Variants in AGPAT3 observed in about 807,000 individuals in gnomAD.
The protein encoded by AGPAT3 is 1-acylglycerol-3-phosphate O-acyltransferase 3.
AGPAT3 carries 5 observed loss-of-function variants against 47.3 expected under a neutral mutation model. That is an observed-to-expected ratio of 0.11 (90% CI 0.06 to 0.22). The LOEUF is 0.22. AGPAT3 is among the 10% of genes least tolerant of loss of function. The pLI is 1.00. For missense variants in AGPAT3, 315 were observed against 493.0 expected (o/e 0.64, Z 3.42); for synonymous variants, 212 against 208.3 (o/e 1.02, Z -0.15).
intron 2 of AGPAT3, among the ~76,000 whole-genome samples, chr21:43,924,168 C>G (rs1356500015): frequency 6.7e-6 from 1 of 149,200 alleles, no homozygotes; most frequent in Non-Finnish European, 1.5e-5. Flanking sequence ...TGCCCGCCAG[C>G]ACGCCTGCCT....
chr21:43,889,337 T>G (rs2145918038), intron 1 of AGPAT3, among the ~76,000 whole-genome samples: 1 of 151,738 alleles, frequency 6.6e-6, no homozygotes, highest in Non-Finnish European at 1.5e-5. Flanking sequence ...TTCCCCTCCA[T>G]TTCGCATTTG....
rs544234866 is a variant in AGPAT3, at chr21:43,986,800, T to C, written c.*4408T>C. On this transcript the variant is annotated 3_prime_UTR_variant, in exon 10 of 10. Transcript: ENST00000291572. ...TGTTGGCCAGTTTCAAAGGGACCCA[T>C]TGTATACAGGGTGCAAATGTATTAT... 6.6e-6 allele frequency among the ~76,000 whole-genome samples: 1 copy of C among 152,334 alleles called. No individual in the cohort carries two copies. The highest frequency in any genetic ancestry group is 1.9e-4 in the East Asian group (1 of 5,188).
rs1197243698 is a variant in AGPAT3, at chr21:43,908,018, G to A, written c.-49+3999G>A. On this transcript the variant is annotated intron_variant, in intron 2 of 9. Transcript: ENST00000291572. This position sits in a 1 kb window ranked among gnomAD's most constrained non-coding sequence, Gnocchi z 4.9. ...ATGTTCCCGTAATAGCAGAGCAAAG[G>A]GATGATGGTCTTCGGAGGAGGGCGC... 6.6e-6 allele frequency among the ~76,000 whole-genome samples: 1 copy of A among 152,220 alleles called. No individual in the cohort carries two copies. The highest frequency in any genetic ancestry group is 1.5e-5 in the Non-Finnish European group (1 of 68,038).
In AGPAT3 at chr21:43,969,272, A is replaced by T; in HGVS notation, c.503A>T (p.Tyr168Phe). The change falls in exon 5 of 10, where the codon TAC becomes TTC. Residue 168 changes from tyrosine to phenylalanine, a missense_variant. Physicochemically the swap from Tyr to Phe is conservative, Grantham distance 22. Coordinates refer to ENST00000291572, the MANE Select transcript of AGPAT3 (RefSeq NM_020132.5). ...GLRRLSDYPE[Y>F]MWFLLYCEGT... Reference sequence around the variant, plus strand: ...AGGCGCCTGTCGGACTACCCCGAGTACATGTGGGTGAGTGCGCGGAGCAGC... The same window carrying T: ...AGGCGCCTGTCGGACTACCCCGAGTTCATGTGGGTGAGTGCGCGGAGCAGC... The T allele has an allele frequency of 6.2e-7, 1 of 1,614,226 alleles. No homozygotes were observed. Among genetic ancestry groups the T allele is most frequent in the East Asian group, 2.2e-5 (1 of 44,890 alleles).
At position 43,872,505 on chromosome 21, in the gene AGPAT3, G is replaced by A. The variant is rs576088563; in HGVS notation, c.-112+7160G>A. Reference sequence around the variant, plus strand: ...GTAAATGGTGTTTTTTATTTTTATTGATTTCTAAGTCTTTGCTGGTGTTCT... The same window carrying A: ...GTAAATGGTGTTTTTTATTTTTATTAATTTCTAAGTCTTTGCTGGTGTTCT... On this transcript the variant is annotated intron_variant, in intron 1 of 9. Transcript: ENST00000291572. 7.2e-5 allele frequency among the ~76,000 whole-genome samples: 11 copies of A among 152,286 alleles called. No homozygotes were observed. In the East Asian group the frequency reaches 2.1e-3, roughly 29 times the overall value.
intron 8 of AGPAT3, among the ~76,000 whole-genome samples, chr21:43,978,666 G>C (rs1295272065): frequency 6.6e-6 from 1 of 152,186 alleles, no homozygotes; most frequent in Non-Finnish European, 1.5e-5. Context: ...AGGGTAACAT[G>C]ATGCCTGTAT....
chr21:43,920,450 C>T lies in AGPAT3; in HGVS notation c.-49+16431C>T, dbSNP rs2086867594. Reference sequence around the variant, plus strand: ...GCTCTGGGCACACAGCTCCTACAACCTTTAGTGCTGAGTGTCTTTTTTTTT... The same window carrying T: ...GCTCTGGGCACACAGCTCCTACAACTTTTAGTGCTGAGTGTCTTTTTTTTT... On this transcript the variant is annotated intron_variant, in intron 2 of 9. Coordinates refer to ENST00000291572, the MANE Select transcript of AGPAT3 (RefSeq NM_020132.5). The surrounding 1 kb of genome is among the most constrained non-coding windows in gnomAD (Gnocchi z 6.1). 6.6e-6 allele frequency among the ~76,000 whole-genome samples: 1 copy of T among 152,136 alleles called. No individual in the cohort carries two copies. The highest frequency in any genetic ancestry group is 6.5e-5 in the Admixed American group (1 of 15,282).
intron 2 of AGPAT3, among the ~76,000 whole-genome samples, chr21:43,938,884 T>C (rs1049621657): frequency 2.6e-5 from 4 of 152,148 alleles, no homozygotes; most frequent in African/African-American, 7.2e-5. Context: ...CCTGAAGCCT[T>C]GTGGGGGGAA....
rs1180281786 is a variant in AGPAT3 at position 43,930,891 on chromosome 21, C to T, written c.-49+26872C>T. Among the ~76,000 whole-genome samples, 1 of 152,188 alleles carries T rather than the reference C, an allele frequency of 6.6e-6. No individual in the cohort carries two copies. Among genetic ancestry groups the T allele is most frequent in the African/African-American group, 2.4e-5 (1 of 41,444 alleles). On this transcript the variant is annotated intron_variant, in intron 2 of 9. Transcript: ENST00000291572. The surrounding 1 kb of genome is among the most constrained non-coding windows in gnomAD (Gnocchi z 5.0). Reference sequence around the variant, plus strand: ...CTGTCCCCTCGGGCGGGCGCCACTTCCTTCCTGCATGTTCCTGTTCCGCAT... The same window carrying T: ...CTGTCCCCTCGGGCGGGCGCCACTTTCTTCCTGCATGTTCCTGTTCCGCAT...
intron 7 of AGPAT3, among the ~76,000 whole-genome samples, chr21:43,975,795 G>T (rs1311258276): frequency 6.6e-6 from 1 of 152,126 alleles, no homozygotes; most frequent in African/African-American, 2.4e-5. Context: ...CCTCATAAAG[G>T]TCCACGATGA....
intron 8 of AGPAT3, among the ~76,000 whole-genome samples, chr21:43,980,670 T>C (rs1250319115): frequency 1.3e-5 from 2 of 152,218 alleles, no homozygotes; most frequent in Non-Finnish European, 2.9e-5. Flanking sequence ...AGGTGTGGGA[T>C]GTGGCGGGTG....
chr21:43,973,968 A>G lies in AGPAT3; in HGVS notation c.767+2478A>G, dbSNP rs575031794. 5.3e-5 allele frequency among the ~76,000 whole-genome samples: 8 copies of G among 152,266 alleles called. No homozygotes were observed. In the South Asian group the frequency reaches 1.7e-3, roughly 32 times the overall value. Reference sequence around the variant, plus strand: ...GAAAAAAAATAGAATTTTTATTTATATTTACTTTTTATCTTATTTTTAATT... The same window carrying G: ...GAAAAAAAATAGAATTTTTATTTATGTTTACTTTTTATCTTATTTTTAATT... On this transcript the variant is annotated intron_variant, in intron 7 of 9. Transcript: ENST00000291572.
Position 43,939,605 on chromosome 21 carries a change from C to T in AGPAT3, c.-48-20029C>T, listed in dbSNP as rs1601364182. Among the ~76,000 whole-genome samples the T allele has an allele frequency of 1.3e-5, 2 of 152,196 alleles. No homozygotes were observed. Among genetic ancestry groups the T allele is most frequent in the Non-Finnish European group, 2.9e-5 (2 of 68,030 alleles). On this transcript the variant is annotated intron_variant, in intron 2 of 9. Coordinates refer to ENST00000291572, the MANE Select transcript of AGPAT3 (RefSeq NM_020132.5). This position sits in a 1 kb window ranked among gnomAD's most constrained non-coding sequence, Gnocchi z 4.4. ...GAGTGTCGCGGGCGCCTGGCCTGTC[C>T]GGCAGGCTGGGTGGCTGTTCTCTGT...
At chr21:43,936,787 C>T (rs557954788) in intron 2 of AGPAT3, among the ~76,000 whole-genome samples, 6 of 152,330 alleles carry the variant, frequency 3.9e-5, no homozygotes, top group Non-Finnish European at 7.4e-5. Context: ...CTGGCTCTCC[C>T]GTGTCAGCTC....
chr21:43,966,234 C>G (rs1184744904), intron 3 of AGPAT3: 1 of 152,302 alleles, frequency 6.6e-6, no homozygotes, highest in African/African-American at 2.4e-5. Context: ...CGCAGCTCGT[C>G]TTTCCAGAAC....
rs191783253 is a variant in AGPAT3, at chr21:43,930,445, G to A, written c.-49+26426G>A. 8.5e-5 allele frequency among the ~76,000 whole-genome samples: 13 copies of A among 152,176 alleles called. No individual in the cohort carries two copies. The highest frequency in any genetic ancestry group is 2.1e-4 in the South Asian group (1 of 4,828). ...ACTGAGTGTGACCTCAGGGTTGCCC[G>A]TGCGACCTCAGCGTGGCCCATGGGA... On this transcript the variant is annotated intron_variant, in intron 2 of 9. Transcript: ENST00000291572. This position sits in a 1 kb window ranked among gnomAD's most constrained non-coding sequence, Gnocchi z 5.0.
At chr21:43,907,696 G>A (rs909023049) in intron 2 of AGPAT3, among the ~76,000 whole-genome samples, 31 of 152,292 alleles carry the variant, frequency 2.0e-4, no homozygotes, top group Middle Eastern at 3.4e-3. Flanking sequence ...CAGCCTGGGC[G>A]ACAGAGCGAG....
intron 2 of AGPAT3, chr21:43,919,980 T>A (rs1474705092): frequency 6.6e-6 from 1 of 152,232 alleles, no homozygotes; most frequent in Non-Finnish European, 1.5e-5. Context: ...TCAAACCGGC[T>A]TTCCTCATGT....
intron 1 of AGPAT3, among the ~76,000 whole-genome samples, chr21:43,871,443 T>C: frequency 6.6e-6 from 1 of 152,190 alleles, no homozygotes; most frequent in Non-Finnish European, 1.5e-5. Flanking sequence ...CTGCAAAAAA[T>C]AATGTTTTCA....
Sources: allele counts gnomAD v4.1 joint callset (sites outside exome capture counted in the v4.1 genomes callset), GRCh38; gene constraint gnomAD v4.1.1; non-coding constraint Gnocchi (gnomAD v3.1); transcripts MANE v1.5; gene names NCBI Gene and HGNC (gene_info 2026-07-23, HGNC 2026-07-21).